The following MAP7D1 variants were observed in gnomAD, a reference collection of about 807,000 sequenced individuals.
MAP7D1 encodes the protein MAP7 domain-containing protein 1.
In MAP7D1, 30 loss-of-function variants were observed where a neutral mutation model predicts 97.5. That is an observed-to-expected ratio of 0.31 (90% confidence interval 0.23 to 0.42). The LOEUF (loss-of-function observed/expected upper bound fraction) is 0.42, where lower values mean the gene tolerates loss of function less well. Ranked by LOEUF, MAP7D1 falls within the 10% of genes least tolerant of loss-of-function variation. The probability of loss-of-function intolerance (pLI) is 1.00; values close to 1 mark genes in which losing one functional copy is unlikely to be tolerated. For missense variants in MAP7D1, 1,184 were observed against 1,179.5 expected (o/e 1.00, Z -0.06); for synonymous variants, 536 against 477.1 (o/e 1.12, Z -1.61).
At chr1:36,166,292 G>C (rs1048283976) in intron 1 of MAP7D1, among the ~76,000 whole-genome samples, 8 of 152,116 alleles carry the variant, frequency 5.3e-5, no homozygotes, top group African/African-American at 1.7e-4. Context: ...AGGATCCTGG[G>C]GAGTCCTTAA....
intron 9 of MAP7D1, 43 bp from the exon 10 acceptor site, chr1:36,178,376 T>C (rs1644661570): frequency 6.3e-7 from 1 of 1,577,356 alleles, no homozygotes; most frequent in Non-Finnish European, 8.6e-7. Context: ...GACGGCGGTG[T>C]CTGCGTGGGT....
chr1:36,168,036 C>T (rs2124219296), intron 1 of MAP7D1, among the ~76,000 whole-genome samples: 1 of 152,330 alleles, frequency 6.6e-6, no homozygotes, highest in Admixed American at 6.5e-5. Context: ...GTGGCTCACG[C>T]CTGTAATCCC....
intron 13 of MAP7D1, 56 bp from the exon 14 acceptor site, chr1:36,179,459 G>C: frequency 6.3e-7 from 1 of 1,578,432 alleles, no homozygotes; most frequent in South Asian, 1.2e-5. Context: ...AACTCAGTCC[G>C]AAGTGGCTGG....
intron 3 of MAP7D1, 36 bp downstream of exon 3, chr1:36,171,617 G>T (rs750210740): frequency 4.4e-6 from 7 of 1,606,120 alleles, no homozygotes; most frequent in Non-Finnish European, 6.0e-6. Flanking sequence ...CTTCTTCATC[G>T]TCATCATCAG....
chr1:36,160,493 C>T (rs1054670584), intron 1 of MAP7D1, among the ~76,000 whole-genome samples: 2 of 152,250 alleles, frequency 1.3e-5, no homozygotes, highest in Admixed American at 6.5e-5. Context: ...CAATGCTCAG[C>T]ATGTCACGGG....
intron 1 of MAP7D1, among the ~76,000 whole-genome samples, chr1:36,164,239 C>T (rs954453270): frequency 2.6e-5 from 4 of 152,156 alleles, no homozygotes; most frequent in Non-Finnish European, 5.9e-5. Flanking sequence ...TGACTATCTC[C>T]GTATACTTGG....
Position 36,176,612 on chromosome 1 carries a change from GCAGGTGGGGA to G in MAP7D1, c.1233+36_1233+45del. On this transcript the variant is annotated intron_variant, in intron 7 of 16. Coordinates refer to ENST00000474796, the MANE Select transcript of MAP7D1 (RefSeq NM_001388490.1). This position sits in a 1 kb window ranked among gnomAD's most constrained non-coding sequence, Gnocchi z 6.1. ...TGGCTCTACTGGCTCGAGTGGCCGCGCAGGTGGGGACAGGCAGCCTGGAACTGGGGTACGC... is the reference window on the plus strand; with the variant it reads ...TGGCTCTACTGGCTCGAGTGGCCGCGCAGGCAGCCTGGAACTGGGGTACGC... 1.9e-6 allele frequency: 3 copies of G among 1,546,764 alleles called. No individual in the cohort carries two copies. The highest frequency in any genetic ancestry group is 2.6e-6 in the Non-Finnish European group (3 of 1,144,292).
At chr1:36,175,744 C>G (rs1644608654) in intron 6 of MAP7D1, among the ~76,000 whole-genome samples, 1 of 152,178 alleles carries the variant, frequency 6.6e-6, no homozygotes, top group Non-Finnish European at 1.5e-5. Context: ...GCAGCCTCTC[C>G]CTGGCACAGG....
At chr1:36,162,693 T>C (rs1644428657) in intron 1 of MAP7D1, among the ~76,000 whole-genome samples, 2 of 152,178 alleles carry the variant, frequency 1.3e-5, no homozygotes, top group Admixed American at 1.3e-4. Context: ...GGAAACTGGC[T>C]GGGGACATGC....
rs2124250025 is a variant in MAP7D1 at position 36,178,221 on chromosome 1, AG to A, written c.1708+24del. ...CTACAGGTAGGAATGAAGAGAGGGG[AG>A]GGGTGGGCCGAGCGAGAGAAGCCAG... On this transcript the variant is annotated intron_variant, in intron 9 of 16. Coordinates refer to ENST00000474796, the MANE Select transcript of MAP7D1 (RefSeq NM_001388490.1). 6.6e-7 allele frequency: 1 copy of A among 1,506,704 alleles called. No homozygotes were observed. The highest frequency in any genetic ancestry group is 2.1e-5 in the Admixed American group (1 of 47,058). The allele number at this position is 1,506,704 out of a possible 1,614,324, so 93.3% of individuals were successfully genotyped here.
chr1:36,163,738 AT>A (rs1644440238), intron 1 of MAP7D1, among the ~76,000 whole-genome samples: 1 of 149,566 alleles, frequency 6.7e-6, no homozygotes, highest in Non-Finnish European at 1.5e-5. Flanking sequence ...CCCAAACACT[AT>A]TGAGATGGAG....
At chr1:36,164,044 G>A (rs768268186) in intron 1 of MAP7D1, among the ~76,000 whole-genome samples, 2 of 151,856 alleles carry the variant, frequency 1.3e-5, no homozygotes, top group Admixed American at 6.6e-5. Context: ...GGCTGCTCCC[G>A]AACTCCTGGG....
chr1:36,163,817 C>CTT lies in MAP7D1; in HGVS notation c.47-7128_47-7127dup, dbSNP rs869169250. On this transcript the variant is annotated intron_variant, in intron 1 of 16. Coordinates refer to ENST00000474796, the MANE Select transcript of MAP7D1 (RefSeq NM_001388490.1). ...TGCCACATAGATATATACTTTTTTT[C>CTT]TTTTTTTTTTTTTTTTTTTTTTTTT... is the stretch of plus-strand genomic sequence containing the variant. 7.0e-3 allele frequency among the ~76,000 whole-genome samples: 607 copies of CTT among 86,848 alleles called. 58 individuals carry two copies. The highest frequency in any genetic ancestry group is 0.024 in the African/African-American group (517 of 21,412). 57.0% of individuals were successfully genotyped at this position (86,848 alleles called of 152,430 possible). A position where few individuals can be genotyped will look rare whatever the true frequency, so the allele number is the denominator to read the frequency against.
rs533206132 is a variant in MAP7D1 at position 36,179,028 on chromosome 1, G to A, written c.2130+3G>A. ...AAGAGCGGCAAGAGCGCAGAAAGGT[G>A]TGCGGACCTGGGCGGGGATTTGTGG... is the stretch of plus-strand genomic sequence containing the variant. On this transcript the variant is annotated splice_donor_region_variant and intron_variant, in intron 12 of 16. Transcript: ENST00000474796. The A allele has an allele frequency of 7.1e-6, 11 of 1,552,018 alleles. No homozygotes were observed. The South Asian group carries it at 1.2e-4, about 17-fold the overall frequency.
chr1:36,180,156 A>G, intron 16 of MAP7D1, 89 bp downstream of exon 16: 2 of 1,610,444 alleles, frequency 1.2e-6, no homozygotes, highest in Non-Finnish European at 8.5e-7. Context: ...TGGCTCTGCC[A>G]GGCACCCTCT....
chr1:36,163,830 T>C (rs927718985), intron 1 of MAP7D1, among the ~76,000 whole-genome samples: 6 of 139,294 alleles, frequency 4.3e-5, no homozygotes, highest in African/African-American at 8.1e-5. Context: ...TTTTTTTTTT[T>C]TTTTTTTTTT....
chr1:36,176,102 G>T lies in MAP7D1; in HGVS notation c.851-97G>T. On this transcript the variant is annotated intron_variant, in intron 6 of 16. Coordinates refer to ENST00000474796, the MANE Select transcript of MAP7D1 (RefSeq NM_001388490.1). This position sits in a 1 kb window ranked among gnomAD's most constrained non-coding sequence, Gnocchi z 6.1. ...GAGGACTCCCGGGTGAGAAGCCTTG[G>T]CCTTGGCATGGGGATGGTGCCTGGT... The T allele has an allele frequency of 7.1e-7, 1 of 1,401,082 alleles. No homozygotes were observed. The allele number at this position is 1,401,082 out of a possible 1,614,324, so 86.8% of individuals were successfully genotyped here.
In MAP7D1 at chr1:36,179,259, C is replaced by T; in HGVS notation, c.2131-3C>T. 1 of 1,613,950 alleles carries T rather than the reference C, an allele frequency of 6.2e-7. No individual in the cohort carries two copies. The highest frequency in any genetic ancestry group is 8.5e-7 in the Non-Finnish European group (1 of 1,179,930). On this transcript the variant is annotated splice_region_variant and splice_polypyrimidine_tract_variant and intron_variant, in intron 12 of 16. Transcript: ENST00000474796. ...GCCTAACTGATCTGCGGCCTCCAAA[C>T]AGCGTCTGGAGGAGATCATGAAGAG...
At chr1:36,164,100 A>G (rs1001347571) in intron 1 of MAP7D1, among the ~76,000 whole-genome samples, 1 of 149,248 alleles carries the variant, frequency 6.7e-6, no homozygotes, top group Non-Finnish European at 1.5e-5. Flanking sequence ...CTGGGATTAC[A>G]GGCGTGAGCC....
Sources: gnomAD v4.1 joint callset for allele counts (sites outside exome capture counted in the v4.1 genomes callset) on GRCh38, gnomAD v4.1.1 for gene constraint, Gnocchi (gnomAD v3.1) non-coding constraint, MANE v1.5 for transcripts, NCBI Gene and HGNC (gene_info 2026-07-23, HGNC 2026-07-21) for gene names.